USH2A: variants seen among roughly 807,000 people sequenced by gnomAD.
USH2A encodes usherin.
In USH2A, 443 loss-of-function variants were observed where a neutral mutation model predicts 538.9. The ratio of observed to expected loss-of-function variants is 0.82; its 90% CI spans 0.76 to 0.89. The LOEUF is 0.89. Ranked by LOEUF, USH2A falls within the 40% of genes least tolerant of loss-of-function variation. USH2A has a pLI of 0.00. For synonymous variants in USH2A, 2,413 were observed against 2,273.5 expected, an observed-to-expected ratio of 1.06 and a Z score of -1.75; for missense variants, 6,633 against 6,324.8, an observed-to-expected ratio of 1.05 and a Z score of -1.65.
At chr1:215,694,792 G>A (rs1001852416) in intron 61 of USH2A, among the ~76,000 whole-genome samples, 8 of 152,206 alleles carry the variant, frequency 5.3e-5, no homozygotes, top group African/African-American at 1.9e-4. Flanking sequence ...GATTTGGAAA[G>A]GGAGTGGGCA....
At chr1:215,896,127 A>G (rs1290634688) in intron 40 of USH2A, among the ~76,000 whole-genome samples, 2 of 152,198 alleles carry the variant, frequency 1.3e-5, no homozygotes, top group Non-Finnish European at 2.9e-5. Context: ...AAAGTTGTCT[A>G]AGTAAACCTA....
chr1:215,743,776 C>T (rs943668377), intron 58 of USH2A, among the ~76,000 whole-genome samples: 44 of 149,226 alleles, frequency 2.9e-4, no homozygotes, highest in African/African-American at 7.6e-4. Flanking sequence ...GCTGAGATCA[C>T]GCCACTGCAC....
intron 38 of USH2A, among the ~76,000 whole-genome samples, chr1:215,913,560 C>T (rs139773498): frequency 1.1e-3 from 174 of 152,014 alleles, no homozygotes; most frequent in African/African-American, 3.6e-3. Context: ...GAAATGTATA[C>T]GAAGGAGATG....
chr1:216,341,653 G>T (rs2038078373), intron 4 of USH2A, among the ~76,000 whole-genome samples: 1 of 152,076 alleles, frequency 6.6e-6, no homozygotes, highest in Non-Finnish European at 1.5e-5. Context: ...CAGACATATA[G>T]ACCAATGGAA....
chr1:215,785,067 T>C (rs1661759290), intron 52 of USH2A, among the ~76,000 whole-genome samples: 1 of 152,198 alleles, frequency 6.6e-6, no homozygotes, highest in Admixed American at 6.6e-5. Context: ...ATTAAATTCA[T>C]TCCAAGAAAT....
chr1:215,770,942 TA>T (rs59409812), intron 55 of USH2A, among the ~76,000 whole-genome samples: 8,024 of 65,870 alleles, frequency 0.12, 961 homozygotes, highest in African/African-American at 0.38. Context: ...CCGTCTCTAC[TA>T]AAAAAAAAAA....
chr1:215,977,933 C>G (rs532795076), intron 35 of USH2A, among the ~76,000 whole-genome samples: 1 of 152,162 alleles, frequency 6.6e-6, no homozygotes, highest in Non-Finnish European at 1.5e-5. Flanking sequence ...CGAGACCAGC[C>G]TGAGCAATGT....
intron 37 of USH2A, among the ~76,000 whole-genome samples, chr1:215,954,820 C>G (rs1021389005): frequency 6.6e-6 from 1 of 151,630 alleles, no homozygotes; most frequent in Admixed American, 6.6e-5. Context: ...CATGAAGTAG[C>G]TCCTGTCTAA....
At chr1:216,389,042 G>A (rs1321786292) in intron 3 of USH2A, among the ~76,000 whole-genome samples, 2 of 152,112 alleles carry the variant, frequency 1.3e-5, no homozygotes, top group East Asian at 3.9e-4. Flanking sequence ...ACCATTAAAG[G>A]CACTAAAGGG....
chr1:215,888,931 C>G lies in USH2A; in HGVS notation c.7718G>C (p.Arg2573Pro), dbSNP rs189748047. Residue 2573 changes from arginine (R) to proline (P), a missense_variant, in exon 41 of 72, where the codon CGT becomes CCT. Arg to Pro is a moderately radical substitution (Grantham distance 103). Transcript: ENST00000307340. ...ATTTCCAGGAGTTCTCAAGTATAGACGGCCATGTAGATAAATGTTATAATG... is the reference window on the plus strand; with the variant it reads ...ATTTCCAGGAGTTCTCAAGTATAGAGGGCCATGTAGATAAATGTTATAATG... Reference protein sequence around the residue: ...ITHYNIYLHGRLYLRTPGNVT... With the variant: ...ITHYNIYLHGPLYLRTPGNVT... 63 of 1,613,970 alleles carry G rather than the reference C, an allele frequency of 3.9e-5. No homozygotes were observed. In the East Asian group the frequency reaches 4.0e-4, roughly 10 times the overall value.
intron 35 of USH2A, among the ~76,000 whole-genome samples, chr1:215,987,789 G>T (rs924418876): frequency 6.6e-6 from 1 of 152,106 alleles, no homozygotes; most frequent in Admixed American, 6.5e-5. Context: ...AAAGAATGAG[G>T]TCACGTTCCA....
At chr1:216,107,336 G>T (rs941283738) in intron 21 of USH2A, among the ~76,000 whole-genome samples, 2 of 151,646 alleles carry the variant, frequency 1.3e-5, no homozygotes, top group Non-Finnish European at 3.0e-5. Context: ...GCACATTTAG[G>T]ATAATTTCTT....
chr1:215,881,508 A>G (rs1664908648), intron 41 of USH2A, among the ~76,000 whole-genome samples: 1 of 152,204 alleles, frequency 6.6e-6, no homozygotes, highest in Admixed American at 6.5e-5. Context: ...GCTTAAGACC[A>G]CATTTATTAT....
At chr1:216,174,822 A>G in intron 21 of USH2A, 1 of 1,018,158 alleles carries the variant, frequency 9.8e-7, no homozygotes, top group Non-Finnish European at 1.2e-6. Flanking sequence ...ATGATTAGCT[A>G]AGCAAAGTTG....
At chr1:216,231,886 C>T (rs921119617) in intron 14 of USH2A, 67 bp downstream of exon 14, 9 of 1,596,974 alleles carry the variant, frequency 5.6e-6, no homozygotes, top group Non-Finnish European at 7.7e-6. Context: ...TATTGCTTTG[C>T]AACTGCCAAA....
intron 9 of USH2A, among the ~76,000 whole-genome samples, chr1:216,308,975 G>T (rs1381331929): frequency 1.3e-5 from 2 of 152,146 alleles, no homozygotes; most frequent in Non-Finnish European, 2.9e-5. Flanking sequence ...ACGAACCTCT[G>T]TATACAACTA....
intron 24 of USH2A, chr1:216,085,248 T>C: frequency 4.0e-6 from 1 of 252,250 alleles, no homozygotes; most frequent in Non-Finnish European, 7.8e-6. Context: ...TAATATATAG[T>C]TTACAGTTTA....
At chr1:215,730,878 C>A (rs995544896) in intron 60 of USH2A, among the ~76,000 whole-genome samples, 1 of 152,120 alleles carries the variant, frequency 6.6e-6, no homozygotes, top group African/African-American at 2.4e-5. Context: ...TTTGTACTTG[C>A]TACAGATATC....
intron 38 of USH2A, among the ~76,000 whole-genome samples, chr1:215,913,177 C>T (rs1012672844): frequency 2.6e-5 from 4 of 152,114 alleles, no homozygotes; most frequent in South Asian, 2.1e-4. Context: ...TGCCAGGCAT[C>T]GTGCCAGGTG....
Sources: allele counts gnomAD v4.1 joint callset (sites outside exome capture counted in the v4.1 genomes callset), GRCh38; gene constraint gnomAD v4.1.1; transcripts MANE v1.5; gene names NCBI Gene and HGNC (gene_info 2026-07-23, HGNC 2026-07-21).